Variants in ACOXL observed in about 807,000 individuals in gnomAD.
ACOXL encodes acyl-coenzyme A oxidase-like protein.
Under a neutral mutation model 71.9 loss-of-function variants are expected in ACOXL, and 70 were observed. The ratio of observed to expected loss-of-function variants is 0.97; its 90% CI spans 0.80 to 1.19. ACOXL has a LOEUF of 1.19. ACOXL is among the 50% of genes most tolerant of loss of function. ACOXL has a pLI of 0.00. For synonymous variants in ACOXL, 253 were observed against 281.6 expected (o/e 0.90, Z 1.02); for missense variants, 703 against 736.3 (o/e 0.95, Z 0.52).
intron 9 of ACOXL, among the ~76,000 whole-genome samples, chr2:110,836,837 C>T (rs910854389): frequency 6.6e-6 from 1 of 152,218 alleles, no homozygotes; most frequent in Non-Finnish European, 1.5e-5. Context: ...GTCGCCTATG[C>T]GTAGATTCAG....
chr2:110,919,910 AGTAGTATTC>A (rs917675145), intron 11 of ACOXL, among the ~76,000 whole-genome samples: 4 of 152,320 alleles, frequency 2.6e-5, no homozygotes, highest in African/African-American at 9.6e-5. Flanking sequence ...TTTATTGCTG[AGTAGTATTC>A]GTAGTATTCC....
chr2:110,762,202 G>A (rs1298505003), intron 1 of ACOXL, among the ~76,000 whole-genome samples: 1 of 151,804 alleles, frequency 6.6e-6, no homozygotes, highest in Non-Finnish European at 1.5e-5. Context: ...TTAACTTTTT[G>A]CATCTTTTAG....
chr2:110,739,394 A>G (rs1222144050), intron 1 of ACOXL, among the ~76,000 whole-genome samples: 11 of 152,306 alleles, frequency 7.2e-5, no homozygotes, highest in Non-Finnish European at 1.2e-4. Flanking sequence ...CAGGCTCTCC[A>G]TGCACAACGT....
At chr2:110,982,365 C>G (rs145260802) in intron 12 of ACOXL, among the ~76,000 whole-genome samples, 1 of 152,020 alleles carries the variant, frequency 6.6e-6, no homozygotes, top group Non-Finnish European at 1.5e-5. Flanking sequence ...CTTCTCTCCC[C>G]GCTCCTTCTC....
At chr2:110,799,725 A>G (rs1318959560) in intron 7 of ACOXL, among the ~76,000 whole-genome samples, 3 of 152,214 alleles carry the variant, frequency 2.0e-5, no homozygotes, top group East Asian at 1.9e-4. Flanking sequence ...TGCACCAATC[A>G]GCACTCTGTA....
chr2:110,736,695 C>T (rs1050485308), intron 1 of ACOXL, among the ~76,000 whole-genome samples: 3 of 150,044 alleles, frequency 2.0e-5, no homozygotes, highest in African/African-American at 7.4e-5. Flanking sequence ...TCTCGGCTCA[C>T]TGCAAGCCCC....
At chr2:110,996,393 G>T (rs2063398478) in intron 14 of ACOXL, among the ~76,000 whole-genome samples, 1 of 152,220 alleles carries the variant, frequency 6.6e-6, no homozygotes, top group Non-Finnish European at 1.5e-5. Flanking sequence ...GTTAGTCTAA[G>T]ATGCATTCTG....
At chr2:110,775,330 T>C (rs1682506060) in intron 2 of ACOXL, among the ~76,000 whole-genome samples, 1 of 152,158 alleles carries the variant, frequency 6.6e-6, no homozygotes, top group Non-Finnish European at 1.5e-5. Context: ...GGAATAAAAA[T>C]GATCTAATTA....
chr2:111,068,258 G>T (rs957151409), intron 16 of ACOXL, among the ~76,000 whole-genome samples: 3 of 152,208 alleles, frequency 2.0e-5, no homozygotes, highest in Non-Finnish European at 4.4e-5. Flanking sequence ...TGAAGAAACG[G>T]TGTGCGTGCT....
rs888062918 is a variant in ACOXL, at chr2:110,908,829, A to C, written c.829A>C (p.Ile277Leu). 9 of 1,614,190 alleles carry C rather than the reference A, an allele frequency of 5.6e-6. No individual in the cohort carries two copies. Among genetic ancestry groups the C allele is most frequent in the Non-Finnish European group, 6.8e-6 (8 of 1,180,012 alleles). ...GCCCAAAACCAAGGAAGAGGTGAAGATCATTGAGCACCAAACACAGACCCT... is the reference window on the plus strand; with the variant it reads ...GCCCAAAACCAAGGAAGAGGTGAAGCTCATTGAGCACCAAACACAGACCCT... ...FGPKTKEEVK[I>L]IEHQTQTLRL... Residue 277 changes from isoleucine to leucine, a missense_variant, in exon 11 of 18, where the codon ATC (isoleucine) becomes CTC (leucine). Coordinates refer to ENST00000439055, the MANE Select transcript of ACOXL (RefSeq NM_001142807.4).
chr2:110,944,972 A>T (rs2061041500), intron 12 of ACOXL, among the ~76,000 whole-genome samples: 1 of 152,212 alleles, frequency 6.6e-6, no homozygotes, highest in Non-Finnish European at 1.5e-5. Context: ...AGCAGTGTAT[A>T]AGTGTTCCCT....
At chr2:110,780,203 A>G (rs751389348) in intron 2 of ACOXL, among the ~76,000 whole-genome samples, 1 of 152,214 alleles carries the variant, frequency 6.6e-6, no homozygotes, top group Non-Finnish European at 1.5e-5. Context: ...GCATATGCAA[A>G]TGTGCTCATA....
intron 9 of ACOXL, among the ~76,000 whole-genome samples, chr2:110,824,652 T>C (rs570056047): frequency 6.6e-6 from 1 of 152,232 alleles, no homozygotes; most frequent in Non-Finnish European, 1.5e-5. Flanking sequence ...TTTTTCATTC[T>C]AAAATTTTTG....
intron 12 of ACOXL, among the ~76,000 whole-genome samples, chr2:110,952,598 T>A (rs2061369550): frequency 6.6e-6 from 1 of 152,068 alleles, no homozygotes; most frequent in African/African-American, 2.4e-5. Flanking sequence ...AGGTGTGTGC[T>A]ATCATGCCCA....
At chr2:110,915,028 T>G (rs2059786999) in intron 11 of ACOXL, among the ~76,000 whole-genome samples, 1 of 152,210 alleles carries the variant, frequency 6.6e-6, no homozygotes, top group Non-Finnish European at 1.5e-5. Flanking sequence ...TTAGTTATTT[T>G]AAAATGTACA....
intron 15 of ACOXL, among the ~76,000 whole-genome samples, chr2:111,042,852 A>G (rs976571992): frequency 1.3e-5 from 2 of 152,168 alleles, no homozygotes; most frequent in Admixed American, 6.5e-5. Context: ...TGGAGGATGG[A>G]GACCAAAACA....
chr2:110,738,319 G>A (rs1677117495), intron 1 of ACOXL, among the ~76,000 whole-genome samples: 1 of 152,204 alleles, frequency 6.6e-6, no homozygotes, highest in South Asian at 2.1e-4. Context: ...AACTTTCCGA[G>A]TTTTGGGTGC....
chr2:110,848,249 C>T (rs1462022415), intron 10 of ACOXL, among the ~76,000 whole-genome samples: 1 of 152,096 alleles, frequency 6.6e-6, no homozygotes, highest in African/African-American at 2.4e-5. Flanking sequence ...TTTTCCCCTT[C>T]CAGGGAATAG....
intron 12 of ACOXL, among the ~76,000 whole-genome samples, chr2:110,963,220 C>T (rs2061773474): frequency 6.6e-6 from 1 of 151,816 alleles, no homozygotes; most frequent in Non-Finnish European, 1.5e-5. Flanking sequence ...GGCTAATTTT[C>T]AGAAGGGTTG....
Sources: gnomAD v4.1 joint callset for allele counts (sites outside exome capture counted in the v4.1 genomes callset) on GRCh38, gnomAD v4.1.1 for gene constraint, MANE v1.5 for transcripts, NCBI Gene and HGNC (gene_info 2026-07-23, HGNC 2026-07-21) for gene names.